MTSS1: variants seen among roughly 807,000 people sequenced by gnomAD.
The protein encoded by MTSS1 is protein MTSS 1.
Under a neutral mutation model 79.0 loss-of-function variants are expected in MTSS1, and 18 were observed. That is an observed-to-expected ratio of 0.23 (90% CI 0.16 to 0.34). The LOEUF is 0.34. Ranked by LOEUF, MTSS1 falls within the 10% of genes least tolerant of loss-of-function variation. The pLI, the probability that MTSS1 is intolerant of heterozygous loss-of-function variation, is 1.00. For synonymous variants in MTSS1, 341 were observed against 368.6 expected, an observed-to-expected ratio of 0.93 and a Z score of 0.86; for missense variants, 815 against 986.2, an observed-to-expected ratio of 0.83 and a Z score of 2.33.
rs1283213662 is a variant in MTSS1, at chr8:124,553,073, T to C, written c.2187A>G (p.Glu729=). The C allele has an allele frequency of 6.2e-7, 1 of 1,614,040 alleles. No homozygotes were observed. Among genetic ancestry groups the C allele is most frequent in the Non-Finnish European group, 8.5e-7 (1 of 1,180,034 alleles). Residue 729 remains glutamate, a synonymous_variant, in exon 14 of 14, where the codon GAA becomes GAG. Transcript: ENST00000518547. This position sits in a 1 kb window ranked among gnomAD's most constrained non-coding sequence, Gnocchi z 6.0. ...DLSPRDTPQG[E]DMLNAIRRGV... The stretch of plus-strand genomic sequence containing the variant: ...CCCTTCGGATGGCGTTCAGCATGTC[T>C]TCTCCTTGTGGAGTATCCCTTGGGC...
At chr8:124,575,362 C>G (rs540908532) in intron 6 of MTSS1, among the ~76,000 whole-genome samples, 26 of 152,322 alleles carry the variant, frequency 1.7e-4, no homozygotes, top group African/African-American at 5.1e-4. Flanking sequence ...TTTCCCTTTA[C>G]CTGTGGGATG....
intron 3 of MTSS1, among the ~76,000 whole-genome samples, chr8:124,637,880 T>G (rs1407188017): frequency 6.6e-6 from 1 of 152,226 alleles, no homozygotes; most frequent in Non-Finnish European, 1.5e-5. Context: ...TATGGGAACA[T>G]GAAAATAAAT....
At chr8:124,724,281 G>A (rs1320340031) in intron 1 of MTSS1, among the ~76,000 whole-genome samples, 2 of 152,224 alleles carry the variant, frequency 1.3e-5, no homozygotes, top group African/African-American at 4.8e-5. Flanking sequence ...AGTCCCTTTA[G>A]CAGTTCTAAT....
chr8:124,663,982 G>GGTGTCT (rs1822581103), intron 3 of MTSS1, among the ~76,000 whole-genome samples: 1 of 152,176 alleles, frequency 6.6e-6, no homozygotes, highest in African/African-American at 2.4e-5. Context: ...CTGGCCCAGT[G>GGTGTCT]GTGTCTGCAG....
At chr8:124,714,870 A>C (rs1438465004) in intron 1 of MTSS1, among the ~76,000 whole-genome samples, 1 of 152,228 alleles carries the variant, frequency 6.6e-6, no homozygotes, top group Non-Finnish European at 1.5e-5. Flanking sequence ...CACCTAATAC[A>C]GGGGCTGGCT....
intron 3 of MTSS1, among the ~76,000 whole-genome samples, chr8:124,621,214 C>A (rs1208542462): frequency 2.0e-5 from 3 of 152,176 alleles, no homozygotes; most frequent in African/African-American, 7.2e-5. Context: ...CTATTAAGGG[C>A]CAGATAAAAA....
intron 3 of MTSS1, among the ~76,000 whole-genome samples, chr8:124,674,407 G>T (rs1050137222): frequency 7.2e-5 from 11 of 152,174 alleles, no homozygotes; most frequent in African/African-American, 2.2e-4. Flanking sequence ...ATCGCCAGGA[G>T]CTGTCAGCCT....
At chr8:124,602,635 C>T (rs1834131846) in intron 3 of MTSS1, among the ~76,000 whole-genome samples, 1 of 152,148 alleles carries the variant, frequency 6.6e-6, no homozygotes, top group Admixed American at 6.5e-5. Context: ...AGGTGGACAA[C>T]TATAACCCAG....
chr8:124,636,053 T>C (rs1816923255), intron 3 of MTSS1, among the ~76,000 whole-genome samples: 1 of 152,124 alleles, frequency 6.6e-6, no homozygotes. Flanking sequence ...GACAGGCTCC[T>C]TAGGCTAGGA....
chr8:124,674,325 T>C (rs1213750913), intron 3 of MTSS1, among the ~76,000 whole-genome samples: 1 of 152,106 alleles, frequency 6.6e-6, no homozygotes, highest in Non-Finnish European at 1.5e-5. Flanking sequence ...TCCACTTCAA[T>C]TATAAAAAAC....
intron 3 of MTSS1, among the ~76,000 whole-genome samples, chr8:124,599,618 C>G (rs572439469): frequency 1.2e-4 from 18 of 150,490 alleles, no homozygotes; most frequent in African/African-American, 4.4e-4. Context: ...AGTGTAGGCT[C>G]GCCTGTGACT....
At chr8:124,655,388 C>T (rs1329751452) in intron 3 of MTSS1, among the ~76,000 whole-genome samples, 5 of 152,340 alleles carry the variant, frequency 3.3e-5, no homozygotes, top group African/African-American at 9.6e-5. Flanking sequence ...CCTTGCTAGG[C>T]CTGGAGGTAC....
chr8:124,596,163 C>T (rs1832722671), intron 3 of MTSS1, among the ~76,000 whole-genome samples: 1 of 152,118 alleles, frequency 6.6e-6, no homozygotes, highest in South Asian at 2.1e-4. Flanking sequence ...GGCCTGGCAC[C>T]CCAGTTTTGC....
Position 124,675,942 on chromosome 8 carries a change from G to A in MTSS1, c.208+23584C>T, listed in dbSNP as rs1326986874. Among the ~76,000 whole-genome samples the A allele has an allele frequency of 3.9e-5, 6 of 152,312 alleles. No individual in the cohort carries two copies. The East Asian group carries it at 9.6e-4, about 24-fold the overall frequency. ...TTTGGTTATCACGAATAATGTTGCGGTAGACATTCATGTAGCAGGTGACGT... is the reference window on the plus strand; with the variant it reads ...TTTGGTTATCACGAATAATGTTGCGATAGACATTCATGTAGCAGGTGACGT... On this transcript the variant is annotated intron_variant, in intron 3 of 13. Coordinates refer to ENST00000518547, the MANE Select transcript of MTSS1 (RefSeq NM_014751.6).
chr8:124,606,550 A>C (rs1042796104), intron 3 of MTSS1, among the ~76,000 whole-genome samples: 2 of 152,174 alleles, frequency 1.3e-5, no homozygotes, highest in Non-Finnish European at 2.9e-5. Flanking sequence ...ATTTACATCC[A>C]GGGCTGAGTC....
At chr8:124,568,144 G>A (rs1251960940) in intron 7 of MTSS1, 13 of 674,858 alleles carry the variant, frequency 1.9e-5, no homozygotes, top group Non-Finnish European at 3.1e-5. Flanking sequence ...CACCCTGCTG[G>A]GCCTTCTTGA....
At position 124,553,837 on chromosome 8, in the gene MTSS1, GAA is replaced by G. The variant is rs1235096243; in HGVS notation, c.1568-147_1568-146del. 2.8e-6 allele frequency: 2 copies of G among 723,112 alleles called. No individual in the cohort carries two copies. The highest frequency in any genetic ancestry group is 5.4e-5 in the East Asian group (2 of 36,852). The allele number at this position is 723,112 out of a possible 1,614,324, so 44.8% of individuals were successfully genotyped here. A position where few individuals can be genotyped will look rare whatever the true frequency, so the allele number is the denominator to read the frequency against. On this transcript the variant is annotated intron_variant, in intron 13 of 13. Transcript: ENST00000518547. The surrounding 1 kb of genome is among the most constrained non-coding windows in gnomAD (Gnocchi z 6.0). Reference sequence around the variant, plus strand: ...CCCCCAGGCTTCTCTACCATCTTCAGAAAGCCTCACCAACTAAGAACTCCGTG... The same window carrying G: ...CCCCCAGGCTTCTCTACCATCTTCAGAGCCTCACCAACTAAGAACTCCGTG...
chr8:124,670,974 T>A (rs1824066514), intron 3 of MTSS1, among the ~76,000 whole-genome samples: 1 of 152,072 alleles, frequency 6.6e-6, no homozygotes. Flanking sequence ...ATCCTTAATT[T>A]TCCATAGTGA....
At chr8:124,577,077 G>A (rs1018607070) in intron 6 of MTSS1, among the ~76,000 whole-genome samples, 3 of 152,198 alleles carry the variant, frequency 2.0e-5, no homozygotes, top group Admixed American at 6.5e-5. Context: ...TTGTGTCTAC[G>A]TGAGGTTTTA....
Sources: gnomAD v4.1 joint callset for allele counts (sites outside exome capture counted in the v4.1 genomes callset) on GRCh38, gnomAD v4.1.1 for gene constraint, Gnocchi (gnomAD v3.1) non-coding constraint, MANE v1.5 for transcripts, NCBI Gene and HGNC (gene_info 2026-07-23, HGNC 2026-07-21) for gene names.